Variants in RPS6KA5 observed in about 807,000 individuals in gnomAD.
RPS6KA5 encodes ribosomal protein S6 kinase alpha-5.
Under a neutral mutation model 85.5 loss-of-function variants are expected in RPS6KA5, and 27 were observed. That is an observed-to-expected ratio of 0.32 (90% CI 0.23 to 0.44). The LOEUF (loss-of-function observed/expected upper bound fraction) is 0.44, where lower values mean the gene tolerates loss of function less well. Among genes scored for constraint, RPS6KA5 ranks in the 20% least tolerant of loss-of-function variants. The probability of loss-of-function intolerance (pLI) is 1.00; values close to 1 mark genes in which losing one functional copy is unlikely to be tolerated. For missense variants in RPS6KA5, 811 were observed against 980.9 expected (o/e 0.83, Z 2.31); for synonymous variants, 334 against 348.2 (o/e 0.96, Z 0.46).
intron 1 of RPS6KA5, among the ~76,000 whole-genome samples, chr14:91,024,888 T>C (rs534497395): frequency 6.6e-6 from 1 of 152,132 alleles, no homozygotes; most frequent in Non-Finnish European, 1.5e-5. Context: ...ATTTTTTTTT[T>C]AAATTTTTTT....
At position 90,852,162 on chromosome 14, in the gene RPS6KA5, T is replaced by C. The variant is rs2140095783; in HGVS notation, c.*19912A>G. The C allele has an allele frequency of 6.8e-6, 1 of 147,182 alleles. No homozygotes were observed. The highest frequency in any genetic ancestry group is 2.5e-5 in the African/African-American group (1 of 40,288). 9.1% of individuals were successfully genotyped at this position (147,182 alleles called of 1,614,324 possible). On this transcript the variant is annotated 3_prime_UTR_variant, in exon 17 of 17. Transcript: ENST00000614987. The stretch of plus-strand genomic sequence containing the variant: ...TGGAGTGCAGTGGTGTGGTGCGATC[T>C]TGGCTCACTGCAAGTTCTGCTTCCC...
In RPS6KA5 at chr14:90,899,323, G is replaced by T; in HGVS notation, c.1473+6C>A. 1 of 1,515,018 alleles carries T rather than the reference G, an allele frequency of 6.6e-7. No individual in the cohort carries two copies. The highest frequency in any genetic ancestry group is 9.0e-7 in the Non-Finnish European group (1 of 1,106,658). 93.8% of individuals were successfully genotyped at this position (1,515,018 alleles called of 1,614,324 possible). On this transcript the variant is annotated splice_donor_region_variant and intron_variant, in intron 12 of 16. Transcript: ENST00000614987. ...ATGGGAAAAAAAAAAAAAAAAAGTA[G>T]GATACCTGATCATGAAAAACTTCAT...
chr14:90,947,902 C>T (rs943576505), intron 3 of RPS6KA5, among the ~76,000 whole-genome samples: 2 of 152,210 alleles, frequency 1.3e-5, no homozygotes, highest in African/African-American at 4.8e-5. Flanking sequence ...AAAACATCAG[C>T]CACTGCAATA....
chr14:91,011,863 C>T (rs2041269825), intron 1 of RPS6KA5, among the ~76,000 whole-genome samples: 1 of 151,984 alleles, frequency 6.6e-6, no homozygotes, highest in Non-Finnish European at 1.5e-5. Context: ...AAACCATGGC[C>T]TACTCAATTA....
In RPS6KA5 at chr14:90,902,962, T is replaced by C. The variant is rs766743012; in HGVS notation, c.965A>G (p.Asn322Ser). The C allele has an allele frequency of 2.5e-6, 4 of 1,610,284 alleles. No individual in the cohort carries two copies. The highest frequency in any genetic ancestry group is 3.4e-6 in the Non-Finnish European group (4 of 1,178,036). Reference protein sequence around the residue: ...IKEHLFFQKINWDDLAAKKVP... With the variant: ...IKEHLFFQKISWDDLAAKKVP... The stretch of plus-strand genomic sequence containing the variant: ...TTTTTTGGCGGCTAAATCATCCCAA[T>C]TTATTTTCTAAAACAAAGAAAGTTG... Residue 322 changes from asparagine to serine, a missense_variant, in exon 9 of 17, where the codon AAT becomes AGT. Coordinates refer to ENST00000614987, the MANE Select transcript of RPS6KA5 (RefSeq NM_004755.4).
intron 1 of RPS6KA5, among the ~76,000 whole-genome samples, chr14:91,020,614 T>TTGTGTGTGTG (rs71117396): frequency 0.039 from 3,561 of 91,306 alleles, 386 homozygotes; most frequent in Non-Finnish European, 0.048. Context: ...ATATATCCTA[T>TTGTGTGTGTG]TGTGTGTGTG....
chr14:90,897,911 G>A (rs1382727184), intron 12 of RPS6KA5, among the ~76,000 whole-genome samples: 1 of 152,138 alleles, frequency 6.6e-6, no homozygotes, highest in East Asian at 1.9e-4. Flanking sequence ...AAGCACCTTC[G>A]TGGCCAGGGG....
chr14:90,997,351 C>T (rs1043035992), intron 2 of RPS6KA5, among the ~76,000 whole-genome samples: 1 of 152,142 alleles, frequency 6.6e-6, no homozygotes, highest in African/African-American at 2.4e-5. Flanking sequence ...AAAACTTGTA[C>T]ATGAATGTTC....
intron 1 of RPS6KA5, among the ~76,000 whole-genome samples, chr14:91,020,392 T>TAG (rs1476922567): frequency 6.6e-6 from 1 of 152,132 alleles, no homozygotes; most frequent in East Asian, 1.9e-4. Flanking sequence ...TAAAGTAATG[T>TAG]AGAGATGATT....
Position 90,871,977 on chromosome 14 carries a change from G to T in RPS6KA5, c.*97C>A. 1.4e-6 allele frequency: 2 copies of T among 1,468,890 alleles called. No individual in the cohort carries two copies. The highest frequency in any genetic ancestry group is 1.8e-6 in the Non-Finnish European group (2 of 1,093,366). The allele number at this position is 1,468,890 out of a possible 1,614,324, so 91.0% of individuals were successfully genotyped here. ...ATCATTAGGAGGCAGATTCCAATGAGACCAACGGGAAACATTTTTAAAAGC... is the reference window on the plus strand; with the variant it reads ...ATCATTAGGAGGCAGATTCCAATGATACCAACGGGAAACATTTTTAAAAGC... On this transcript the variant is annotated 3_prime_UTR_variant, in exon 17 of 17. Transcript: ENST00000614987.
At chr14:90,972,453 C>A (rs1470285295) in intron 3 of RPS6KA5, among the ~76,000 whole-genome samples, 1 of 151,956 alleles carries the variant, frequency 6.6e-6, no homozygotes, top group Non-Finnish European at 1.5e-5. Context: ...TCAAATAGAC[C>A]CAAACATATA....
At chr14:90,961,542 A>C (rs901397094) in intron 3 of RPS6KA5, among the ~76,000 whole-genome samples, 1 of 152,206 alleles carries the variant, frequency 6.6e-6, no homozygotes, top group Non-Finnish European at 1.5e-5. Flanking sequence ...TAAATGACTT[A>C]GAACCAATAA....
chr14:91,041,443 C>A (rs540211289), intron 1 of RPS6KA5, among the ~76,000 whole-genome samples: 1 of 151,962 alleles, frequency 6.6e-6, no homozygotes, highest in Non-Finnish European at 1.5e-5. Context: ...TTTTGTCAGG[C>A]GGAAATAAAT....
In RPS6KA5 at chr14:91,060,630, C is replaced by T. The variant is rs992372576; in HGVS notation, c.-196G>A. On this transcript the variant is annotated 5_prime_UTR_variant, in exon 1 of 17. Transcript: ENST00000614987. The stretch of plus-strand genomic sequence containing the variant: ...CGCCTCCTCCCCCTTCGGCGGGCAC[C>T]GCTAGTACCGCGCAACCAAACCGCC... The T allele has an allele frequency of 1.5e-6, 1 of 683,284 alleles. No homozygotes were observed. The highest frequency in any genetic ancestry group is 2.0e-6 in the Non-Finnish European group (1 of 489,676). The allele number at this position is 683,284 out of a possible 1,614,324, so 42.3% of individuals were successfully genotyped here.
chr14:90,880,521 A>G (rs1465857937), intron 14 of RPS6KA5, among the ~76,000 whole-genome samples: 1 of 152,130 alleles, frequency 6.6e-6, no homozygotes, highest in African/African-American at 2.4e-5. Flanking sequence ...TCTATCATCT[A>G]TCCATGGAAA....
chr14:91,019,930 T>C (rs937752552), intron 1 of RPS6KA5, among the ~76,000 whole-genome samples: 2 of 152,216 alleles, frequency 1.3e-5, no homozygotes, highest in African/African-American at 4.8e-5. Flanking sequence ...TACTCAAACC[T>C]AGATGGTACA....
rs765492262 is a variant in RPS6KA5, at chr14:90,859,325, C to T, written c.*12749G>A. ...ATTTAACACACAATGTATGACATTT[C>T]ACCAAACTTATAAGGCATGCTAAAA... On this transcript the variant is annotated 3_prime_UTR_variant, in exon 17 of 17. Coordinates refer to ENST00000614987, the MANE Select transcript of RPS6KA5 (RefSeq NM_004755.4). The T allele has an allele frequency of 3.3e-5, 5 of 152,198 alleles. No homozygotes were observed. Among genetic ancestry groups the T allele is most frequent in the Non-Finnish European group, 7.3e-5 (5 of 68,046 alleles). The allele number at this position is 152,198 out of a possible 1,614,324, so 9.4% of individuals were successfully genotyped here. A position where few individuals can be genotyped will look rare whatever the true frequency, so the allele number is the denominator to read the frequency against.
At chr14:90,967,380 C>T (rs2039118971) in intron 3 of RPS6KA5, among the ~76,000 whole-genome samples, 1 of 152,106 alleles carries the variant, frequency 6.6e-6, no homozygotes, top group African/African-American at 2.4e-5. Context: ...ATGAGCCAGG[C>T]ATACAGTAGG....
At chr14:91,056,865 A>ATTTTTT (rs1595574839) in intron 1 of RPS6KA5, among the ~76,000 whole-genome samples, 3 of 56,328 alleles carry the variant, frequency 5.3e-5, no homozygotes, top group Admixed American at 2.1e-4. Context: ...AGGCAGTATT[A>ATTTTTT]TCTTTTTTTT....
Sources: gnomAD v4.1 joint callset for allele counts (sites outside exome capture counted in the v4.1 genomes callset) on GRCh38, gnomAD v4.1.1 for gene constraint, MANE v1.5 for transcripts, NCBI Gene and HGNC (gene_info 2026-07-23, HGNC 2026-07-21) for gene names.